The following SAMD4B variants were observed in gnomAD, a reference collection of about 807,000 sequenced individuals.
SAMD4B encodes the protein sterile alpha motif domain containing 4B.
Under a neutral mutation model 74.5 loss-of-function variants are expected in SAMD4B, and 5 were observed. That is an observed-to-expected ratio of 0.07 (90% CI 0.04 to 0.14). The LOEUF is 0.14. SAMD4B is among the 10% of genes least tolerant of loss of function. The pLI is 1.00. For missense variants in SAMD4B, 608 were observed against 921.8 expected (o/e 0.66, Z 4.41); for synonymous variants, 373 against 374.9 (o/e 1.00, Z 0.06).
downstream of SAMD4B, chr19:39,389,998 G>A (rs1352167187): frequency 7.8e-7 from 1 of 1,287,692 alleles, no homozygotes; most frequent in East Asian, 2.3e-5. The surrounding 1 kb of genome is among the most constrained non-coding windows in gnomAD (Gnocchi z 5.3). Flanking sequence ...GCAGACAGCA[G>A]CCAACGAGAC....
At chr19:39,373,217 C>T (rs2077408299) in intron 4 of SAMD4B, among the ~76,000 whole-genome samples, 2 of 152,170 alleles carry the variant, frequency 1.3e-5, no homozygotes. Context: ...GCCTTGATGT[C>T]CTCACCTACC....
intron 1 of SAMD4B, chr19:39,352,290 A>G (rs1214972707): frequency 6.6e-6 from 1 of 152,226 alleles, no homozygotes; most frequent in African/African-American, 2.4e-5. Flanking sequence ...GCTTGAAGGT[A>G]TAAACCAGAG....
rs1353739880 is a variant in SAMD4B, at chr19:39,377,689, G to A, written c.1309G>A (p.Glu437Lys). The change falls in exon 8 of 14, where the codon GAG becomes AAG. Residue 437 changes from glutamate to lysine, a missense_variant. Glu to Lys is a moderately conservative substitution (Grantham distance 56, BLOSUM62 1). This residue lies in a region of SAMD4B where 99 missense variants were observed against 112.1 expected (regional missense o/e 0.88). Coordinates refer to ENST00000610417, the MANE Select transcript of SAMD4B (RefSeq NM_001384574.2). ...LAHPGTDKGT[E>K]AKDPPAVENY... ...CCACCCCGGCACAGACAAAGGCACC[G>A]AGGCCAAGGACCCTCCAGCTGTGGA... 9 of 1,614,206 alleles carry A rather than the reference G, an allele frequency of 5.6e-6. No individual in the cohort carries two copies. Among genetic ancestry groups the A allele is most frequent in the East Asian group, 4.5e-5 (2 of 44,892 alleles).
chr19:39,379,310 C>T (rs1438852422), intron 9 of SAMD4B, among the ~76,000 whole-genome samples: 1 of 152,136 alleles, frequency 6.6e-6, no homozygotes, highest in Non-Finnish European at 1.5e-5. Context: ...CCCGTACATA[C>T]TCTTTTGTCA....
downstream of SAMD4B, chr19:39,390,283 A>C: frequency 6.2e-7 from 1 of 1,612,348 alleles, no homozygotes; most frequent in Non-Finnish European, 8.5e-7. Flanking sequence ...TCCGGTGGGA[A>C]TTGGGCCTAG....
intron 3 of SAMD4B, among the ~76,000 whole-genome samples, chr19:39,365,632 T>C (rs1471934351): frequency 6.6e-6 from 1 of 151,998 alleles, no homozygotes; most frequent in Non-Finnish European, 1.5e-5. Context: ...TCACTTAGGG[T>C]GTGTGACCTC....
chr19:39,346,616 T>G (rs1474655940), intron 1 of SAMD4B, among the ~76,000 whole-genome samples: 13 of 152,216 alleles, frequency 8.5e-5, no homozygotes, highest in Admixed American at 8.5e-4. Context: ...ATCCTCATTT[T>G]GCATATGATG....
At chr19:39,368,987 A>G (rs1221558053) in intron 3 of SAMD4B, among the ~76,000 whole-genome samples, 2 of 152,170 alleles carry the variant, frequency 1.3e-5, no homozygotes, top group Non-Finnish European at 2.9e-5. Flanking sequence ...GGGAAATGGC[A>G]TAGAGGCCAT....
chr19:39,372,335 G>C (rs1457608253), intron 4 of SAMD4B, among the ~76,000 whole-genome samples: 1 of 152,190 alleles, frequency 6.6e-6, no homozygotes, highest in Non-Finnish European at 1.5e-5. Context: ...AGAGGTGAAT[G>C]AAGTGACTTG....
chr19:39,367,657 C>T (rs1568356300), intron 3 of SAMD4B, among the ~76,000 whole-genome samples: 2 of 151,432 alleles, frequency 1.3e-5, no homozygotes, highest in Admixed American at 6.6e-5. Context: ...TACAGGCATC[C>T]ACCACCATGC....
intron 4 of SAMD4B, among the ~76,000 whole-genome samples, chr19:39,374,616 C>T (rs10403438): frequency 0.016 from 2,508 of 152,116 alleles, 69 homozygotes; most frequent in African/African-American, 0.058. Context: ...CTGAGGTGGG[C>T]GGATCACGAG....
intron 3 of SAMD4B, among the ~76,000 whole-genome samples, chr19:39,368,087 G>A (rs1234414200): frequency 3.3e-5 from 5 of 151,934 alleles, no homozygotes; most frequent in African/African-American, 4.8e-5. Flanking sequence ...GGTGGTGGGC[G>A]CCTGTAGTCC....
intron 3 of SAMD4B, among the ~76,000 whole-genome samples, chr19:39,368,743 A>G (rs1339002051): frequency 2.0e-5 from 3 of 152,256 alleles, no homozygotes; most frequent in Non-Finnish European, 4.4e-5. Flanking sequence ...TATGTCGCCA[A>G]ACCACTTTGT....
Position 39,383,124 on chromosome 19 carries a change from A to G in SAMD4B, c.1973-84A>G, listed in dbSNP as rs567167785. 4 of 1,103,328 alleles carry G rather than the reference A, an allele frequency of 3.6e-6. No individual in the cohort carries two copies. The South Asian group carries it at 3.7e-5, about 10-fold the overall frequency. 68.3% of individuals were successfully genotyped at this position (1,103,328 alleles called of 1,614,324 possible). A position where few individuals can be genotyped will look rare whatever the true frequency, so the allele number is the denominator to read the frequency against. On this transcript the variant is annotated intron_variant, in intron 12 of 13. Coordinates refer to ENST00000610417, the MANE Select transcript of SAMD4B (RefSeq NM_001384574.2). The surrounding 1 kb of genome is among the most constrained non-coding windows in gnomAD (Gnocchi z 4.1). ...CCTCCATCTCTCTTGCTCCCTTCCC[A>G]TACCAGCATCCTTTGTCATCCCAGC...
chr19:39,345,882 C>G (rs979188493), intron 1 of SAMD4B, among the ~76,000 whole-genome samples: 1 of 151,918 alleles, frequency 6.6e-6, no homozygotes, highest in Non-Finnish European at 1.5e-5. Context: ...TTTTTTTTCT[C>G]CACACAGCAC....
intron 7 of SAMD4B, 30 bp downstream of exon 7, chr19:39,376,821 C>A (rs777615055): frequency 6.3e-7 from 1 of 1,586,074 alleles, no homozygotes; most frequent in South Asian, 1.1e-5. Context: ...ATCTTCAAGG[C>A]CAGCCAGCCA....
At chr19:39,388,723 A>T, downstream of SAMD4B, 3 of 1,606,716 alleles carry the variant, frequency 1.9e-6, no homozygotes, top group East Asian at 6.7e-5. Flanking sequence ...GACAAGAGGC[A>T]GCAAGGAGCA....
chr19:39,388,981 G>C (rs751010774), downstream of SAMD4B: 6 of 1,613,984 alleles, frequency 3.7e-6, no homozygotes, highest in Non-Finnish European at 4.2e-6. Flanking sequence ...GACCTCCACC[G>C]GTGTGACTCG....
At chr19:39,352,489 G>GAGAA (rs751827599) in intron 1 of SAMD4B, 1 of 117,478 alleles carries the variant, frequency 8.5e-6, no homozygotes, top group African/African-American at 2.9e-5. Flanking sequence ...CTCTTTAGGG[G>GAGAA]AAAAAAAAAA....
Sources: allele counts gnomAD v4.1 joint callset (sites outside exome capture counted in the v4.1 genomes callset), GRCh38; gene constraint gnomAD v4.1.1; regional missense constraint gnomAD v4.1.1; non-coding constraint Gnocchi (gnomAD v3.1); transcripts MANE v1.5; gene names NCBI Gene and HGNC (gene_info 2026-07-23, HGNC 2026-07-21).